Variants in PEAK1 observed in about 807,000 individuals in gnomAD.
PEAK1 encodes the protein inactive tyrosine-protein kinase PEAK1.
Under a neutral mutation model 124.7 loss-of-function variants are expected in PEAK1, and 54 were observed. The observed-to-expected ratio is 0.43, with a 90% CI of 0.35 to 0.54. PEAK1 has a LOEUF of 0.54. Ranked by LOEUF, PEAK1 falls within the 20% of genes least tolerant of loss-of-function variation. The pLI is 0.01. For missense variants in PEAK1, 2,046 were observed against 2,134.5 expected, an observed-to-expected ratio of 0.96 and a Z score of 0.82; for synonymous variants, 719 against 760.0, an observed-to-expected ratio of 0.95 and a Z score of 0.89.
Position 77,114,637 on chromosome 15 carries a change from T to C in PEAK1, c.4760A>G (p.Tyr1587Cys), listed in dbSNP as rs376361133. The C allele has an allele frequency of 4.3e-6, 7 of 1,613,850 alleles. No homozygotes were observed. Among genetic ancestry groups the C allele is most frequent in the Non-Finnish European group, 5.9e-6 (7 of 1,180,002 alleles). Residue 1587 changes from tyrosine to cysteine, a missense_variant, in exon 10 of 10, where the codon TAT (tyrosine) becomes TGT (cysteine). By Grantham distance (194) the Tyr-to-Cys change is radical. Transcript: ENST00000682557. The stretch of plus-strand genomic sequence containing the variant: ...TGTCTGGAACTCATCACACTTTTTA[T>C]ACTGGGTAGCTGTTATGATCTCTGG... ...LAPEIITATQYKKCDEFQTGI... is the reference protein window; with the variant it reads ...LAPEIITATQCKKCDEFQTGI...
intron 7 of PEAK1, among the ~76,000 whole-genome samples, chr15:77,175,954 G>A (rs1298021137): frequency 1.3e-5 from 2 of 152,092 alleles, no homozygotes; most frequent in African/African-American, 4.8e-5. Context: ...TCCTTTGTAG[G>A]GACATGGATG....
intron 5 of PEAK1, among the ~76,000 whole-genome samples, chr15:77,275,876 C>A (rs1407247702): frequency 2.6e-5 from 4 of 151,338 alleles, no homozygotes; most frequent in Non-Finnish European, 4.4e-5. Context: ...ATGAAAAAAA[C>A]AGAAAGCCTG....
intron 6 of PEAK1, chr15:77,239,790 C>A: frequency 7.3e-6 from 7 of 959,898 alleles, no homozygotes; most frequent in Non-Finnish European, 8.7e-6. Context: ...ACCTCCTGGG[C>A]TCTTTTAACA....
intron 1 of PEAK1, among the ~76,000 whole-genome samples, chr15:77,386,083 T>TA (rs1318586494): frequency 3.3e-5 from 5 of 152,154 alleles, no homozygotes; most frequent in Admixed American, 6.6e-5. Context: ...TCCTGGAATG[T>TA]AAAAATAATT....
chr15:77,256,676 G>C (rs1176874989), intron 5 of PEAK1, among the ~76,000 whole-genome samples: 1 of 149,212 alleles, frequency 6.7e-6, no homozygotes, highest in Non-Finnish European at 1.5e-5. Flanking sequence ...AATTTTATCA[G>C]AACATAGCCA....
intron 5 of PEAK1, among the ~76,000 whole-genome samples, chr15:77,277,691 T>C (rs556426333): frequency 1.1e-4 from 17 of 152,220 alleles, no homozygotes; most frequent in African/African-American, 3.6e-4. Context: ...TTTGTTCTAA[T>C]AGAAAAAAAT....
intron 9 of PEAK1, among the ~76,000 whole-genome samples, chr15:77,119,652 C>T (rs1436832789): frequency 6.6e-6 from 1 of 152,160 alleles, no homozygotes; most frequent in Non-Finnish European, 1.5e-5. Flanking sequence ...GGTCAAAGAA[C>T]CCAACATTTA....
intron 2 of PEAK1, among the ~76,000 whole-genome samples, chr15:77,305,871 T>A (rs889417460): frequency 1.3e-5 from 2 of 152,218 alleles, no homozygotes; most frequent in African/African-American, 2.4e-5. Flanking sequence ...TTTTTATTAT[T>A]GTGTTGCTAT....
At chr15:77,245,727 A>G (rs1013560403) in intron 6 of PEAK1, among the ~76,000 whole-genome samples, 6 of 151,580 alleles carry the variant, frequency 4.0e-5, no homozygotes, top group Non-Finnish European at 8.8e-5. Context: ...AAAAGAAAAA[A>G]CTCATCTTTT....
At chr15:77,313,684 G>GTATATATATA (rs1567244775) in intron 2 of PEAK1, among the ~76,000 whole-genome samples, 3 of 119,726 alleles carry the variant, frequency 2.5e-5, no homozygotes, top group African/African-American at 1.2e-4. Flanking sequence ...GTGTGTGTGT[G>GTATATATATA]TGTGTGTGTA....
chr15:77,321,886 A>G (rs2065242547), intron 2 of PEAK1, among the ~76,000 whole-genome samples: 1 of 151,914 alleles, frequency 6.6e-6, no homozygotes, highest in African/African-American at 2.4e-5. Context: ...GCTAGCCAGT[A>G]CTCTTCAGCA....
chr15:77,291,207 T>C (rs1478888764), intron 2 of PEAK1, among the ~76,000 whole-genome samples: 4 of 152,124 alleles, frequency 2.6e-5, no homozygotes, highest in Non-Finnish European at 4.4e-5. Flanking sequence ...CACTGATATG[T>C]CAGAAAGTAG....
exon 7 of PEAK1, chr15:77,103,106 G>A (rs1442396578): frequency 3.3e-5 from 5 of 152,094 alleles, no homozygotes; most frequent in Admixed American, 1.3e-4. Flanking sequence ...TTTTTAGTGC[G>A]AGAAGCTACC....
At chr15:77,402,368 C>T (rs1444167825) in intron 1 of PEAK1, 2 of 985,264 alleles carry the variant, frequency 2.0e-6, no homozygotes, top group South Asian at 4.7e-5. Context: ...TCCTTCTTCT[C>T]CTCTTTAAAT....
intron 5 of PEAK1, among the ~76,000 whole-genome samples, chr15:77,281,558 A>T (rs2062675643): frequency 6.6e-6 from 1 of 152,098 alleles, no homozygotes; most frequent in African/African-American, 2.4e-5. Context: ...TTCCTAGAAA[A>T]CCCTCATTGC....
At chr15:77,221,437 G>A (rs1024786051) in intron 6 of PEAK1, among the ~76,000 whole-genome samples, 7 of 152,060 alleles carry the variant, frequency 4.6e-5, no homozygotes, top group Admixed American at 3.9e-4. Context: ...TTGGTAATAC[G>A]TGTAGATATT....
At chr15:77,163,503 C>T (rs1349057456) in intron 7 of PEAK1, among the ~76,000 whole-genome samples, 1 of 152,194 alleles carries the variant, frequency 6.6e-6, no homozygotes, top group Non-Finnish European at 1.5e-5. Flanking sequence ...AATCATTACA[C>T]CATCTAATGA....
chr15:77,210,173 A>G (rs2058839620), intron 6 of PEAK1, among the ~76,000 whole-genome samples: 1 of 152,220 alleles, frequency 6.6e-6, no homozygotes, highest in Non-Finnish European at 1.5e-5. Flanking sequence ...TTCTTATGTT[A>G]CACTAAGGCA....
Position 77,319,610 on chromosome 15 carries a change from A to G in PEAK1, c.-602-33106T>C, listed in dbSNP as rs193285910. ...AACACTGAGATAAAAGGTTCTCTGA[A>G]GTGTTTTACTTTTTAATAGGTTTTA... On this transcript the variant is annotated intron_variant, in intron 2 of 9. Transcript: ENST00000682557. Among the ~76,000 whole-genome samples, 1,112 of 152,302 alleles carry G rather than the reference A, an allele frequency of 7.3e-3. 15 individuals are homozygous for G. The highest frequency in any genetic ancestry group is 0.025 in the African/African-American group (1,056 of 41,558).
Sources: allele counts gnomAD v4.1 joint callset (sites outside exome capture counted in the v4.1 genomes callset), GRCh38; gene constraint gnomAD v4.1.1; transcripts MANE v1.5; gene names NCBI Gene and HGNC (gene_info 2026-07-23, HGNC 2026-07-21).